The following SNX7 variants were observed in gnomAD, a reference collection of about 807,000 sequenced individuals.
SNX7 encodes sorting nexin-7.
In SNX7, 35 loss-of-function variants were observed where a neutral mutation model predicts 48.4. The observed-to-expected ratio is 0.72, with a 90% CI of 0.55 to 0.96. The LOEUF (loss-of-function observed/expected upper bound fraction) is 0.96. Among genes scored for constraint, SNX7 ranks in the 40% least tolerant of loss-of-function variants. The pLI is 0.00. For synonymous variants in SNX7, 190 were observed against 190.2 expected (o/e 1.00, Z 0.01); for missense variants, 553 against 548.9 (o/e 1.01, Z -0.07).
In SNX7 at chr1:98,698,804, A is replaced by G. The variant is rs760325036; in HGVS notation, c.937A>G (p.Ile313Val). ...VDTLKDVASC[I>V]DRCCKATEKR... The stretch of plus-strand genomic sequence containing the variant: ...TACTCTAAAGGATGTTGCCAGCTGC[A>G]TTGACAGATGCTGTAAGGCCACTGA... Residue 313 changes from isoleucine to valine, a missense_variant, in exon 6 of 9, where the codon ATT (isoleucine) becomes GTT (valine). Transcript: ENST00000306121. 2.4e-5 allele frequency: 38 copies of G among 1,613,658 alleles called. No individual in the cohort carries two copies. The highest frequency in any genetic ancestry group is 3.1e-5 in the Non-Finnish European group (37 of 1,179,822).
chr1:98,668,261 T>C (rs914828301), intron 1 of SNX7, among the ~76,000 whole-genome samples: 2 of 152,182 alleles, frequency 1.3e-5, no homozygotes, highest in Admixed American at 1.3e-4. Context: ...TATACACAAA[T>C]GACATGATAT....
intron 8 of SNX7, among the ~76,000 whole-genome samples, chr1:98,754,141 T>C (rs1362420256): frequency 6.6e-6 from 1 of 152,126 alleles, no homozygotes; most frequent in Non-Finnish European, 1.5e-5. Context: ...TCTGTTGAGA[T>C]AATATTGCAT....
intron 8 of SNX7, among the ~76,000 whole-genome samples, chr1:98,752,425 C>T (rs1439753536): frequency 1.3e-5 from 2 of 151,942 alleles, no homozygotes; most frequent in Non-Finnish European, 2.9e-5. Flanking sequence ...TAAAAATCGG[C>T]TATCAAGAAT....
At chr1:98,690,752 C>G (rs1651076510) in intron 2 of SNX7, among the ~76,000 whole-genome samples, 1 of 151,996 alleles carries the variant, frequency 6.6e-6, no homozygotes, top group South Asian at 2.1e-4. Context: ...TGCTTGTTAG[C>G]AAGAAAGTCA....
intron 5 of SNX7, among the ~76,000 whole-genome samples, chr1:98,696,031 T>G (rs1443903837): frequency 6.6e-6 from 1 of 152,152 alleles, no homozygotes; most frequent in Admixed American, 6.5e-5. Context: ...ATCAAAGAAG[T>G]GATGTTTCAG....
At chr1:98,684,456 C>T (rs1283378765) in intron 1 of SNX7, among the ~76,000 whole-genome samples, 1 of 152,146 alleles carries the variant, frequency 6.6e-6, no homozygotes, top group East Asian at 1.9e-4. Context: ...GTTGTGTCCC[C>T]ACATGGCAGA....
In SNX7 at chr1:98,715,079, T is replaced by C. The variant is rs533659809; in HGVS notation, c.1125+13176T>C. Among the ~76,000 whole-genome samples, 3 of 152,276 alleles carry C rather than the reference T, an allele frequency of 2.0e-5. No homozygotes were observed. The East Asian group carries it at 5.8e-4, about 29-fold the overall frequency. On this transcript the variant is annotated intron_variant, in intron 7 of 8. Coordinates refer to ENST00000306121, the MANE Select transcript of SNX7 (RefSeq NM_015976.5). Reference sequence around the variant, plus strand: ...ACTATAGTACAACCATCAATATCAATAAGTTATTGATATATTTATATTATC... The same window carrying C: ...ACTATAGTACAACCATCAATATCAACAAGTTATTGATATATTTATATTATC...
At chr1:98,705,129 CAGTG>C (rs1336896069) in intron 7 of SNX7, among the ~76,000 whole-genome samples, 1 of 152,172 alleles carries the variant, frequency 6.6e-6, no homozygotes, top group East Asian at 1.9e-4. Flanking sequence ...TAATATCTGA[CAGTG>C]AGTCCTTGAT....
intron 7 of SNX7, 102 bp downstream of exon 7, chr1:98,702,005 A>G (rs1651776977): frequency 1.2e-6 from 1 of 815,808 alleles, no homozygotes; most frequent in Non-Finnish European, 1.9e-6. Context: ...TGTTTCTTAT[A>G]TGATTGTTTC....
chr1:98,666,466 C>T (rs1033812299), intron 1 of SNX7, among the ~76,000 whole-genome samples: 1 of 152,042 alleles, frequency 6.6e-6, no homozygotes, highest in South Asian at 2.1e-4. Flanking sequence ...CTCCTCCTGC[C>T]TTTGGATCTC....
At chr1:98,669,091 A>G (rs12733205) in intron 1 of SNX7, among the ~76,000 whole-genome samples, 42,997 of 152,032 alleles carry the variant, frequency 0.28, 6,466 homozygotes, top group Middle Eastern at 0.33. Context: ...CCATTCTCCA[A>G]TTCTTAATTT....
intron 8 of SNX7, among the ~76,000 whole-genome samples, chr1:98,758,651 AG>A (rs1396543171): frequency 6.6e-6 from 1 of 152,064 alleles, no homozygotes; most frequent in African/African-American, 2.4e-5. Flanking sequence ...CATTACCCCA[AG>A]CCTGGCCTTC....
At chr1:98,741,222 AT>A (rs1654053291) in intron 8 of SNX7, among the ~76,000 whole-genome samples, 1 of 152,124 alleles carries the variant, frequency 6.6e-6, no homozygotes, top group Admixed American at 6.6e-5. Context: ...GTATACATAC[AT>A]TTGCCTTTGG....
At chr1:98,758,531 A>C (rs1162840446) in intron 8 of SNX7, among the ~76,000 whole-genome samples, 1 of 152,120 alleles carries the variant, frequency 6.6e-6, no homozygotes, top group Non-Finnish European at 1.5e-5. Context: ...AATTCATTAC[A>C]GTGACTGTGC....
intron 8 of SNX7, among the ~76,000 whole-genome samples, chr1:98,741,057 A>G (rs1483433846): frequency 6.6e-6 from 1 of 152,178 alleles, no homozygotes; most frequent in East Asian, 1.9e-4. Flanking sequence ...TCTGTCACTA[A>G]CTATTAATAT....
chr1:98,691,945 T>A (rs894020113), intron 4 of SNX7, among the ~76,000 whole-genome samples: 1,856 of 137,578 alleles, frequency 0.013, 27 homozygotes, highest in African/African-American at 0.044. Context: ...ACACTCTCTC[T>A]CTCTCTCTCT....
chr1:98,662,841 A>G (rs1486820783), intron 1 of SNX7: 1 of 1,288,806 alleles, frequency 7.8e-7, no homozygotes, highest in Admixed American at 2.3e-5. Flanking sequence ...CTACTTAACC[A>G]CCGCATTTAC....
chr1:98,671,863 T>G (rs1003879090), intron 1 of SNX7, among the ~76,000 whole-genome samples: 1 of 152,212 alleles, frequency 6.6e-6, no homozygotes, highest in Admixed American at 6.5e-5. Context: ...AGAAAAATGA[T>G]TTTATATCAT....
At chr1:98,734,386 C>G (rs528867514) in intron 7 of SNX7, among the ~76,000 whole-genome samples, 1 of 152,222 alleles carries the variant, frequency 6.6e-6, no homozygotes, top group Non-Finnish European at 1.5e-5. Context: ...AAGCCACAGA[C>G]AAGCTTGTCC....
Sources: allele counts gnomAD v4.1 joint callset (sites outside exome capture counted in the v4.1 genomes callset), GRCh38; gene constraint gnomAD v4.1.1; transcripts MANE v1.5; gene names NCBI Gene and HGNC (gene_info 2026-07-23, HGNC 2026-07-21).